Variants in EDAR observed in about 807,000 individuals in gnomAD.
EDAR encodes ectodysplasin A receptor.
Under a neutral mutation model 51.3 loss-of-function variants are expected in EDAR, and 38 were observed. The observed-to-expected ratio is 0.74, with a 90% CI of 0.57 to 0.97. EDAR has a LOEUF of 0.97. Ranked by LOEUF, EDAR falls within the 50% of genes least tolerant of loss-of-function variation. The probability of loss-of-function intolerance (pLI) is 0.00; values close to 1 mark genes in which losing one functional copy is unlikely to be tolerated. For synonymous variants in EDAR, 227 were observed against 242.1 expected, an observed-to-expected ratio of 0.94 and a Z score of 0.58; for missense variants, 528 against 595.0, an observed-to-expected ratio of 0.89 and a Z score of 1.17.
At chr2:108,947,174 A>C (rs1697730024) in intron 1 of EDAR, among the ~76,000 whole-genome samples, 1 of 152,228 alleles carries the variant, frequency 6.6e-6, no homozygotes, top group African/African-American at 2.4e-5. Flanking sequence ...ATTAAATCTT[A>C]AAGCTCCAAA....
rs76160766 is a variant in EDAR, at chr2:108,936,184, A to G, written c.-18-5152T>C. ...CTTCTCCCTGAAAGGGCCACACCTC[A>G]TATCTGTGGGAAGCAGCTGAGGCCA... On this transcript the variant is annotated intron_variant, in intron 1 of 11. Coordinates refer to ENST00000258443, the MANE Select transcript of EDAR (RefSeq NM_022336.4). 6.7e-3 allele frequency among the ~76,000 whole-genome samples: 1,026 copies of G among 152,332 alleles called. 10 individuals carry two copies. Among genetic ancestry groups the G allele is most frequent in the African/African-American group, 0.023 (972 of 41,580 alleles).
At chr2:108,943,058 C>A (rs564684873) in intron 1 of EDAR, among the ~76,000 whole-genome samples, 1 of 152,336 alleles carries the variant, frequency 6.6e-6, no homozygotes, top group South Asian at 2.1e-4. Context: ...ATGTCCCTTT[C>A]AGAGTGGGCT....
chr2:108,929,357 T>C lies in EDAR; in HGVS notation c.197A>G (p.Asp66Gly). 6.2e-7 allele frequency: 1 copy of C among 1,614,112 alleles called. No individual in the cohort carries two copies. Among genetic ancestry groups the C allele is most frequent in the Non-Finnish European group, 8.5e-7 (1 of 1,180,028 alleles). The change falls in exon 4 of 12, where the codon GAC becomes GGC. Residue 66 changes from aspartate to glycine, a missense_variant. Asp to Gly is a moderately conservative substitution (Grantham distance 94, BLOSUM62 -1). Transcript: ENST00000258443. The part of the protein sequence containing the change: ...PYLSCGYGTK[D>G]EDYGCVPCPA... ...GCAGGGGACGCAGCCGTAGTCCTCG[T>C]CTTTGGTGCCGTAGCCACAGGACTG...
intron 1 of EDAR, among the ~76,000 whole-genome samples, chr2:108,983,173 G>C (rs368419299): frequency 1.7e-4 from 26 of 152,168 alleles, no homozygotes; most frequent in African/African-American, 5.5e-4. Context: ...AGAGGATGCC[G>C]CATGTCAACA....
At chr2:108,971,878 A>G (rs1698240349) in intron 1 of EDAR, among the ~76,000 whole-genome samples, 1 of 152,240 alleles carries the variant, frequency 6.6e-6, no homozygotes, top group East Asian at 1.9e-4. Flanking sequence ...GTGCAATTAC[A>G]GAGACCAGGT....
intron 1 of EDAR, among the ~76,000 whole-genome samples, chr2:108,955,842 C>T (rs563363533): frequency 4.1e-4 from 62 of 152,190 alleles, no homozygotes; most frequent in Admixed American, 3.3e-4. Context: ...CTGGCTAACA[C>T]GGCGAAATAC....
intron 1 of EDAR, among the ~76,000 whole-genome samples, chr2:108,987,713 C>T (rs1342598784): frequency 6.6e-6 from 1 of 152,206 alleles, no homozygotes; most frequent in Non-Finnish European, 1.5e-5. Context: ...ACAGTGGAGA[C>T]CCCCGGCCAA....
chr2:108,932,105 C>T lies in EDAR; in HGVS notation c.-18-1073G>A, dbSNP rs373782473. 7.2e-5 allele frequency among the ~76,000 whole-genome samples: 11 copies of T among 152,278 alleles called. No individual in the cohort carries two copies. In the South Asian group the frequency reaches 1.7e-3, roughly 23 times the overall value. ...TTCCCAATACCACACACAAAAACAC[C>T]GTGACGAACATATGCCATGATGCAC... On this transcript the variant is annotated intron_variant, in intron 1 of 11. Coordinates refer to ENST00000258443, the MANE Select transcript of EDAR (RefSeq NM_022336.4).
At chr2:108,934,876 C>T (rs1342777637) in intron 1 of EDAR, among the ~76,000 whole-genome samples, 1 of 152,184 alleles carries the variant, frequency 6.6e-6, no homozygotes, top group African/African-American at 2.4e-5. Context: ...CAAACCAAAG[C>T]AGCGTGGAAA....
At chr2:108,980,398 G>A (rs1278970991) in intron 1 of EDAR, among the ~76,000 whole-genome samples, 3 of 151,960 alleles carry the variant, frequency 2.0e-5, no homozygotes, top group South Asian at 2.1e-4. Context: ...ACGCCCTGCC[G>A]CTCACCTCAG....
intron 1 of EDAR, among the ~76,000 whole-genome samples, chr2:108,937,196 A>G (rs1697489545): frequency 6.6e-6 from 1 of 152,034 alleles, no homozygotes; most frequent in Non-Finnish European, 1.5e-5. Flanking sequence ...ATAAGCAGCC[A>G]CTCTTCTTTA....
intron 2 of EDAR, among the ~76,000 whole-genome samples, chr2:108,930,485 G>A (rs550667474): frequency 6.6e-6 from 1 of 152,168 alleles, no homozygotes; most frequent in East Asian, 1.9e-4. Context: ...TGCTGGCCAA[G>A]CCCCATCCCA....
chr2:108,915,448 T>G (rs758712589), intron 5 of EDAR, among the ~76,000 whole-genome samples: 2 of 152,220 alleles, frequency 1.3e-5, no homozygotes, highest in African/African-American at 2.4e-5. Flanking sequence ...TCATAGGGTA[T>G]GTAAGAAACA....
intron 1 of EDAR, among the ~76,000 whole-genome samples, chr2:108,950,434 T>TG (rs1697802840): frequency 6.6e-6 from 1 of 152,132 alleles, no homozygotes. Flanking sequence ...TGTGATGTCT[T>TG]TATGTAGAGC....
At position 108,926,383 on chromosome 2, in the gene EDAR, GTTGT is replaced by G. The variant is rs141168011; in HGVS notation, c.356+2811_356+2814del. Among the ~76,000 whole-genome samples, 486 of 152,310 alleles carry G rather than the reference GTTGT, an allele frequency of 3.2e-3. 4 individuals are homozygous for G. Among genetic ancestry groups the G allele is most frequent in the African/African-American group, 0.011 (456 of 41,570 alleles). On this transcript the variant is annotated intron_variant, in intron 4 of 11. Transcript: ENST00000258443. ...AGTTTAAATGGGTCCCCTGGGATCTGTTGTTTAAGGACTGACTTTCTCTCAGTCA... is the reference window on the plus strand; with the variant it reads ...AGTTTAAATGGGTCCCCTGGGATCTGTTAAGGACTGACTTTCTCTCAGTCA...
chr2:108,909,114 A>G lies in EDAR; in HGVS notation c.804-1095T>C, dbSNP rs553042957. ...TGTCAGGGTTCAATTTGTATTTAAT[A>G]TTCGTGTATGAAAGCAGTATATATT... On this transcript the variant is annotated intron_variant, in intron 9 of 11. Coordinates refer to ENST00000258443, the MANE Select transcript of EDAR (RefSeq NM_022336.4). Among the ~76,000 whole-genome samples the G allele has an allele frequency of 7.9e-5, 12 of 152,308 alleles. No individual in the cohort carries two copies. The East Asian group carries it at 2.3e-3, about 29-fold the overall frequency.
At chr2:108,960,545 G>A (rs1350659413) in intron 1 of EDAR, among the ~76,000 whole-genome samples, 2 of 152,218 alleles carry the variant, frequency 1.3e-5, no homozygotes, top group African/African-American at 2.4e-5. Flanking sequence ...CCGTCAGCCA[G>A]CAGAAAAGTG....
intron 1 of EDAR, among the ~76,000 whole-genome samples, chr2:108,944,944 C>T (rs554297125): frequency 2.0e-5 from 3 of 152,246 alleles, no homozygotes; most frequent in South Asian, 2.1e-4. Flanking sequence ...CTAGGGTGTC[C>T]CTGCTTGGAT....
chr2:108,958,749 C>T (rs114695371), intron 1 of EDAR, among the ~76,000 whole-genome samples: 1 of 152,142 alleles, frequency 6.6e-6, no homozygotes, highest in Non-Finnish European at 1.5e-5. Flanking sequence ...AAAGCTCAAG[C>T]GCAAGGCTTC....
Sources: allele counts gnomAD v4.1 joint callset (sites outside exome capture counted in the v4.1 genomes callset), GRCh38; gene constraint gnomAD v4.1.1; transcripts MANE v1.5; gene names NCBI Gene and HGNC (gene_info 2026-07-23, HGNC 2026-07-21).